The following GALNT13 variants were observed in gnomAD, a reference collection of about 807,000 sequenced individuals.
GALNT13 encodes the protein polypeptide N-acetylgalactosaminyltransferase 13.
In GALNT13, 28 loss-of-function variants were observed where a neutral mutation model predicts 64.2. The observed-to-expected ratio is 0.44, with a 90% confidence interval of 0.32 to 0.60. The LOEUF (loss-of-function observed/expected upper bound fraction) is 0.60. Among genes scored for constraint, GALNT13 ranks in the 20% least tolerant of loss-of-function variants. GALNT13 has a pLI of 0.05. For synonymous variants in GALNT13, 214 were observed against 224.6 expected (o/e 0.95, Z 0.42); for missense variants, 577 against 669.8 (o/e 0.86, Z 1.53).
At chr2:153,540,685 T>C in the GALNT13 span, among the ~76,000 whole-genome samples, 1 of 152,256 alleles carries the variant, frequency 6.6e-6, no homozygotes, top group Non-Finnish European at 1.5e-5. Flanking sequence ...TGCAACAGTG[T>C]GACCTGGATG....
the GALNT13 span, among the ~76,000 whole-genome samples, chr2:153,257,976 A>T: frequency 2.0e-5 from 3 of 152,138 alleles, no homozygotes; most frequent in African/African-American, 7.2e-5. Context: ...TGGTAAGTAA[A>T]GAATGTCACT....
At chr2:153,800,455 T>C in the GALNT13 span, among the ~76,000 whole-genome samples, 3 of 152,050 alleles carry the variant, frequency 2.0e-5, no homozygotes, top group African/African-American at 7.2e-5. Context: ...AATAAGACAA[T>C]AATGAAGTTT....
the GALNT13 span, among the ~76,000 whole-genome samples, chr2:153,650,360 C>T: frequency 6.6e-6 from 1 of 152,064 alleles, no homozygotes; most frequent in Non-Finnish European, 1.5e-5. Flanking sequence ...ATGTGTGTCT[C>T]TGCACTTGAG....
At chr2:153,634,127 A>G in the GALNT13 span, among the ~76,000 whole-genome samples, 3 of 152,156 alleles carry the variant, frequency 2.0e-5, no homozygotes, top group Non-Finnish European at 4.4e-5. Context: ...TTATACAGGG[A>G]GTCAGTAGTC....
chr2:153,909,689 G>A (rs1688813686), intron 2 of GALNT13, among the ~76,000 whole-genome samples: 1 of 152,054 alleles, frequency 6.6e-6, no homozygotes, highest in Non-Finnish European at 1.5e-5. Flanking sequence ...CAATAAACAT[G>A]TGGTTTTGAC....
intron 3 of GALNT13, among the ~76,000 whole-genome samples, chr2:154,126,660 A>C (rs551691996): frequency 6.6e-6 from 1 of 151,908 alleles, no homozygotes; most frequent in Admixed American, 6.6e-5. Context: ...AAAAACAAAA[A>C]AAAGAAAGAA....
At chr2:154,148,204 C>T (rs1251711978) in intron 4 of GALNT13, among the ~76,000 whole-genome samples, 1 of 151,828 alleles carries the variant, frequency 6.6e-6, no homozygotes, top group African/African-American at 2.4e-5. Context: ...TGATAGTTTA[C>T]TGAGAATGAT....
chr2:153,411,707 G>A, the GALNT13 span, among the ~76,000 whole-genome samples: 1 of 152,194 alleles, frequency 6.6e-6, no homozygotes, highest in Non-Finnish European at 1.5e-5. Flanking sequence ...ATGAAGGAAA[G>A]AAGGGTGGTG....
At chr2:154,218,523 T>C (rs1267900870) in intron 4 of GALNT13, among the ~76,000 whole-genome samples, 1 of 152,106 alleles carries the variant, frequency 6.6e-6, no homozygotes, top group Non-Finnish European at 1.5e-5. Context: ...TCATTTCCAA[T>C]TTATTACTCT....
chr2:154,151,800 C>T (rs1684045463), intron 4 of GALNT13, among the ~76,000 whole-genome samples: 1 of 152,068 alleles, frequency 6.6e-6, no homozygotes, highest in Admixed American at 6.6e-5. Flanking sequence ...TTCCTCCATC[C>T]TTTTATTTTG....
intron 8 of GALNT13, among the ~76,000 whole-genome samples, chr2:154,285,754 T>C (rs1349962539): frequency 6.6e-6 from 1 of 152,150 alleles, no homozygotes; most frequent in African/African-American, 2.4e-5. Context: ...TCTGTGAAAA[T>C]AACATTGCAA....
the GALNT13 span, among the ~76,000 whole-genome samples, chr2:153,086,564 G>T: frequency 1.3e-5 from 2 of 152,024 alleles, no homozygotes; most frequent in African/African-American, 4.8e-5. Context: ...CTTCTCATTT[G>T]CCTCAGCCAT....
chr2:153,763,144 T>C, the GALNT13 span, among the ~76,000 whole-genome samples: 1 of 152,130 alleles, frequency 6.6e-6, no homozygotes, highest in Non-Finnish European at 1.5e-5. Context: ...TTAACTATCA[T>C]ACTGAGATAA....
chr2:153,745,205 G>A, the GALNT13 span, among the ~76,000 whole-genome samples: 1 of 152,054 alleles, frequency 6.6e-6, no homozygotes, highest in Non-Finnish European at 1.5e-5. Flanking sequence ...ATGAGAATTG[G>A]GTGGTTAGAC....
the GALNT13 span, among the ~76,000 whole-genome samples, chr2:153,325,427 T>C: frequency 7.2e-6 from 1 of 139,160 alleles, no homozygotes; most frequent in African/African-American, 2.4e-5. Context: ...GTCTATTTTG[T>C]TAACATTTTC....
intron 9 of GALNT13, among the ~76,000 whole-genome samples, chr2:154,365,812 T>C (rs145942042): frequency 3.0e-4 from 46 of 152,318 alleles, no homozygotes; most frequent in Non-Finnish European, 5.0e-4. Flanking sequence ...ACTATCTCTG[T>C]AAAAGGAAAT....
At chr2:153,819,614 G>A in the GALNT13 span, among the ~76,000 whole-genome samples, 1 of 152,156 alleles carries the variant, frequency 6.6e-6, no homozygotes, top group Admixed American at 6.6e-5. Context: ...CCCTTCACCT[G>A]AAACAACAGA....
chr2:153,250,730 G>T, the GALNT13 span, among the ~76,000 whole-genome samples: 1 of 152,080 alleles, frequency 6.6e-6, no homozygotes, highest in Non-Finnish European at 1.5e-5. Context: ...TGTCCTTCCG[G>T]GGACATGGAT....
the GALNT13 span, among the ~76,000 whole-genome samples, chr2:153,144,532 C>T: frequency 2.0e-5 from 3 of 151,830 alleles, no homozygotes; most frequent in African/African-American, 2.4e-5. Context: ...CACTGGAACA[C>T]TCAAGTTATC....
Sources: gnomAD v4.1 joint callset for allele counts (sites outside exome capture counted in the v4.1 genomes callset) on GRCh38, gnomAD v4.1.1 for gene constraint, MANE v1.5 for transcripts, NCBI Gene and HGNC (gene_info 2026-07-23, HGNC 2026-07-21) for gene names.